OR7C1: variants seen among roughly 807,000 people sequenced by gnomAD.
OR7C1 encodes the protein olfactory receptor 7C1.
For missense variants in OR7C1, 324 were observed against 383.3 expected (o/e 0.85, Z 1.29); for synonymous variants, 152 against 160.7 (o/e 0.95, Z 0.41).
At chr19:14,826,447 G>T (rs368136655) in intron 1 of OR7C1, 1 of 152,140 alleles carries the variant, frequency 6.6e-6, no homozygotes, top group African/African-American at 2.4e-5. Context: ...AGCAAAAACA[G>T]AAGTATGGAT....
chr19:14,799,763 G>A (rs2044630902), exon 5 of OR7C1: 1 of 1,613,870 alleles, frequency 6.2e-7, no homozygotes, highest in Non-Finnish European at 8.5e-7. Context: ...GTGACAGACG[G>A]CCACGAAGCG....
chr19:14,825,425 A>G (rs10424895), intron 1 of OR7C1: 66,840 of 151,932 alleles, frequency 0.44, 15,271 homozygotes, highest in East Asian at 0.68. Flanking sequence ...TGAATTTTCT[A>G]AGAGTAGAGT....
At chr19:14,814,055 C>A (rs2044705009) in intron 1 of OR7C1, among the ~76,000 whole-genome samples, 1 of 151,838 alleles carries the variant, frequency 6.6e-6, no homozygotes, top group Non-Finnish European at 1.5e-5. Context: ...AACATTAGAC[C>A]TGAAACTATA....
chr19:14,823,313 G>A (rs981729714), intron 1 of OR7C1, among the ~76,000 whole-genome samples: 3 of 152,086 alleles, frequency 2.0e-5, no homozygotes, highest in African/African-American at 7.2e-5. Flanking sequence ...TTAGGTGGGC[G>A]TGGTGGCATG....
intron 4 of OR7C1, 22 bp from the exon 5 acceptor site, chr19:14,800,171 CAACAGTCAATTATCA>C: frequency 6.6e-7 from 1 of 1,509,666 alleles, no homozygotes; most frequent in Non-Finnish European, 8.9e-7. Context: ...GAGAAAAAAG[CAACAGTCAATTATCA>C]ACACACTGGC....
rs760046522 is a variant in OR7C1, at chr19:14,828,024, A to C, written c.-623+7050T>G. 8 of 1,614,058 alleles carry C rather than the reference A, an allele frequency of 5.0e-6. No individual in the cohort carries two copies. The African/African-American group carries it at 6.7e-5, about 13-fold the overall frequency. On this transcript the variant is annotated intron_variant, in intron 1 of 4. Coordinates refer to ENST00000641666, the Ensembl canonical transcript of OR7C1. The stretch of plus-strand genomic sequence containing the variant: ...CATTTTTGGAATGGTGGTGGAAGTA[A>C]CACAAATGTCAGCAAAGGACAGGTT...
chr19:14,800,024 G>A (rs1219898160), exon 5 of OR7C1: 2 of 1,614,130 alleles, frequency 1.2e-6, no homozygotes, highest in Non-Finnish European at 1.7e-6. Context: ...CCCGGTGAAA[G>A]TGACTAGGTA....
At chr19:14,830,677 C>T (rs1296172690) in intron 1 of OR7C1, among the ~76,000 whole-genome samples, 1 of 152,110 alleles carries the variant, frequency 6.6e-6, no homozygotes, top group Admixed American at 6.6e-5. Flanking sequence ...TTTAGCTTTC[C>T]TTTTGGAACT....
chr19:14,832,835 T>C (rs1308559072), intron 1 of OR7C1, among the ~76,000 whole-genome samples: 2 of 152,122 alleles, frequency 1.3e-5, no homozygotes, highest in African/African-American at 4.8e-5. Flanking sequence ...TAATCAACTG[T>C]AGTGAATAAA....
exon 5 of OR7C1, chr19:14,799,069 G>C (rs1203712187): frequency 7.2e-7 from 1 of 1,389,256 alleles, no homozygotes; most frequent in Non-Finnish European, 9.6e-7. Context: ...CTGTATCAAA[G>C]ACACGATAAG....
chr19:14,813,340 G>T (rs1050163628), intron 1 of OR7C1, among the ~76,000 whole-genome samples: 1 of 151,960 alleles, frequency 6.6e-6, no homozygotes, highest in African/African-American at 2.4e-5. Context: ...GGATCACAAG[G>T]TCAGGAGATT....
At chr19:14,829,624 G>A (rs2044811672) in intron 1 of OR7C1, among the ~76,000 whole-genome samples, 1 of 152,206 alleles carries the variant, frequency 6.6e-6, no homozygotes, top group Non-Finnish European at 1.5e-5. Flanking sequence ...GGACCTGGCT[G>A]TCAAAACATC....
exon 5 of OR7C1, chr19:14,799,420 G>A (rs1430432248): frequency 6.2e-7 from 1 of 1,614,038 alleles, no homozygotes; most frequent in Non-Finnish European, 8.5e-7. Flanking sequence ...AACCACAGGT[G>A]GAAAACGCTT....
chr19:14,829,770 T>C (rs552563070), intron 1 of OR7C1, among the ~76,000 whole-genome samples: 10 of 152,344 alleles, frequency 6.6e-5, no homozygotes, highest in Admixed American at 4.6e-4. Flanking sequence ...CTCTGTTTCA[T>C]TGGTCTCCTT....
intron 1 of OR7C1, among the ~76,000 whole-genome samples, chr19:14,818,336 C>T (rs1366279439): frequency 6.6e-6 from 1 of 152,004 alleles, no homozygotes; most frequent in Non-Finnish European, 1.5e-5. Flanking sequence ...CCTCGTGATC[C>T]GCCCGTCTCT....
At chr19:14,803,554 C>T (rs769188331) in intron 2 of OR7C1, among the ~76,000 whole-genome samples, 45 of 151,982 alleles carry the variant, frequency 3.0e-4, no homozygotes, top group Non-Finnish European at 3.8e-4. Context: ...AGCATTCACC[C>T]GTGCAGGGTT....
chr19:14,815,582 T>C (rs1441286777), intron 1 of OR7C1, among the ~76,000 whole-genome samples: 2 of 152,222 alleles, frequency 1.3e-5, no homozygotes, highest in East Asian at 3.8e-4. Flanking sequence ...TTACAAGAAA[T>C]AAAGTCTCCT....
At chr19:14,826,775 CA>C (rs1233197064) in intron 1 of OR7C1, 4 of 152,390 alleles carry the variant, frequency 2.6e-5, no homozygotes, top group Non-Finnish European at 5.9e-5. Context: ...ATGGCACTGA[CA>C]AAGACATGAT....
chr19:14,801,797 G>A (rs2147644701), intron 2 of OR7C1, among the ~76,000 whole-genome samples: 1 of 152,346 alleles, frequency 6.6e-6, no homozygotes, highest in Middle Eastern at 3.4e-3. Flanking sequence ...GCAGCAGAGA[G>A]AGAGAGAGCG....
Sources: allele counts gnomAD v4.1 joint callset (sites outside exome capture counted in the v4.1 genomes callset), GRCh38; gene constraint gnomAD v4.1.1; transcripts MANE v1.5; gene names NCBI Gene and HGNC (gene_info 2026-07-23, HGNC 2026-07-21).